The following TTC28 variants were observed in gnomAD, a reference collection of about 807,000 sequenced individuals.
TTC28 encodes tetratricopeptide repeat domain 28.
TTC28 carries 61 observed loss-of-function variants against 198.0 expected under a neutral mutation model. The observed-to-expected ratio is 0.31, with a 90% CI of 0.25 to 0.38. TTC28 has a LOEUF of 0.38. Ranked by LOEUF, TTC28 falls within the 10% of genes least tolerant of loss-of-function variation. TTC28 has a pLI of 1.00. For missense variants in TTC28, 2,678 were observed against 3,164.0 expected (o/e 0.85, Z 3.69); for synonymous variants, 1,171 against 1,297.8 (o/e 0.90, Z 2.10).
intron 2 of TTC28, among the ~76,000 whole-genome samples, chr22:28,622,890 C>T (rs2051022382): frequency 1.3e-5 from 2 of 151,726 alleles, no homozygotes; most frequent in South Asian, 4.2e-4. Flanking sequence ...GGCACAATCT[C>T]GGCTCACTGC....
chr22:28,615,133 G>T (rs2050881197), intron 2 of TTC28, among the ~76,000 whole-genome samples: 1 of 152,044 alleles, frequency 6.6e-6, no homozygotes, highest in African/African-American at 2.4e-5. Flanking sequence ...TCAAAAAGTG[G>T]ACAAAGGATA....
intron 2 of TTC28, among the ~76,000 whole-genome samples, chr22:28,374,393 C>T (rs1291934821): frequency 1.3e-5 from 2 of 152,078 alleles, no homozygotes; most frequent in African/African-American, 4.8e-5. Flanking sequence ...AAGTGAAATA[C>T]AAAGATAGGG....
At chr22:28,612,867 AT>A (rs1477111501) in intron 2 of TTC28, among the ~76,000 whole-genome samples, 3 of 152,250 alleles carry the variant, frequency 2.0e-5, no homozygotes, top group Admixed American at 6.5e-5. Flanking sequence ...CTAAATGCCC[AT>A]GAGAAAAAGC....
At chr22:28,470,589 G>A (rs916446670) in intron 2 of TTC28, among the ~76,000 whole-genome samples, 1 of 152,252 alleles carries the variant, frequency 6.6e-6, no homozygotes, top group African/African-American at 2.4e-5. Flanking sequence ...CTGTCTTAAA[G>A]TGTAACTTTA....
chr22:28,175,506 TG>T lies in TTC28; in HGVS notation c.934-11908del, dbSNP rs544500963. The stretch of plus-strand genomic sequence containing the variant: ...CAGCAGTTTGGGAGGCCGAGGCGGG[TG>T]GATGCCCTGAGGTCAGGAGTTCGAG... On this transcript the variant is annotated intron_variant, in intron 5 of 22. Transcript: ENST00000397906. 1.5e-4 allele frequency among the ~76,000 whole-genome samples: 23 copies of T among 151,624 alleles called. No individual in the cohort carries two copies. In the South Asian group the frequency reaches 3.6e-3, roughly 23 times the overall value.
chr22:28,410,532 C>A (rs2047064706), intron 2 of TTC28, among the ~76,000 whole-genome samples: 1 of 152,048 alleles, frequency 6.6e-6, no homozygotes, highest in Non-Finnish European at 1.5e-5. Flanking sequence ...TGAAAAGGAA[C>A]ATAGATTGTA....
chr22:28,484,236 T>C (rs1242842113), intron 2 of TTC28, among the ~76,000 whole-genome samples: 1 of 152,150 alleles, frequency 6.6e-6, no homozygotes, highest in Non-Finnish European at 1.5e-5. Flanking sequence ...GCCTCCCCAG[T>C]AGCTGGGACT....
intron 5 of TTC28, among the ~76,000 whole-genome samples, chr22:28,289,981 G>A (rs986054846): frequency 2.6e-5 from 4 of 151,852 alleles, no homozygotes; most frequent in Non-Finnish European, 4.4e-5. Context: ...CCGAGACTGC[G>A]CCATTGCACT....
At chr22:28,439,577 C>T (rs1422185733) in intron 2 of TTC28, among the ~76,000 whole-genome samples, 1 of 152,176 alleles carries the variant, frequency 6.6e-6, no homozygotes, top group Non-Finnish European at 1.5e-5. Flanking sequence ...CTGGGTAAGT[C>T]ACTTCACCCC....
At chr22:28,433,951 A>G (rs1226835494) in intron 2 of TTC28, among the ~76,000 whole-genome samples, 1 of 152,232 alleles carries the variant, frequency 6.6e-6, no homozygotes, top group Non-Finnish European at 1.5e-5. Flanking sequence ...CAATACCACA[A>G]TAAATATTAT....
intron 1 of TTC28, among the ~76,000 whole-genome samples, chr22:28,650,614 C>T (rs1351776319): frequency 1.3e-5 from 2 of 152,154 alleles, no homozygotes; most frequent in African/African-American, 4.8e-5. Context: ...ACACAAAACA[C>T]AGCATGAACC....
chr22:28,615,780 A>G (rs528719337), intron 2 of TTC28, among the ~76,000 whole-genome samples: 450 of 106,638 alleles, frequency 4.2e-3, no homozygotes, highest in Non-Finnish European at 5.8e-3. Flanking sequence ...AACATCACAC[A>G]TCGGGGCCTG....
chr22:28,150,671 C>G (rs551665264), intron 6 of TTC28, among the ~76,000 whole-genome samples: 1 of 152,218 alleles, frequency 6.6e-6, no homozygotes. Flanking sequence ...CTGCACTCAC[C>G]ATTGCTGGCA....
chr22:28,494,760 T>C (rs1468139597), intron 2 of TTC28, among the ~76,000 whole-genome samples: 1 of 143,166 alleles, frequency 7.0e-6, no homozygotes, highest in African/African-American at 2.6e-5. Context: ...AGACTTAACA[T>C]AGAAGGAGGA....
intron 2 of TTC28, among the ~76,000 whole-genome samples, chr22:28,555,289 T>G (rs1254682830): frequency 1.3e-5 from 2 of 152,202 alleles, no homozygotes; most frequent in Non-Finnish European, 2.9e-5. Flanking sequence ...GTGTGGAGAC[T>G]CATTAAACAA....
At chr22:28,035,189 C>A (rs1272997155) in intron 12 of TTC28, among the ~76,000 whole-genome samples, 2 of 152,140 alleles carry the variant, frequency 1.3e-5, no homozygotes, top group Non-Finnish European at 2.9e-5. Flanking sequence ...CATTCCCCAC[C>A]CCCCTCCAGG....
At chr22:27,991,896 T>A (rs763978527) in intron 19 of TTC28, among the ~76,000 whole-genome samples, 38 of 152,224 alleles carry the variant, frequency 2.5e-4, no homozygotes, top group Non-Finnish European at 5.1e-4. Context: ...TGCTAAGCAG[T>A]GTCTTGCATG....
chr22:28,104,863 G>A (rs1942250476), intron 8 of TTC28, among the ~76,000 whole-genome samples: 1 of 152,186 alleles, frequency 6.6e-6, no homozygotes, highest in Non-Finnish European at 1.5e-5. Flanking sequence ...AGAGCCTGGA[G>A]CAGATGGGCA....
chr22:28,220,368 G>T (rs9613580), intron 5 of TTC28, among the ~76,000 whole-genome samples: 1 of 152,092 alleles, frequency 6.6e-6, no homozygotes, highest in South Asian at 2.1e-4. Flanking sequence ...TCCAGGCATA[G>T]CTTCACTGGG....
Sources: allele counts gnomAD v4.1 joint callset (sites outside exome capture counted in the v4.1 genomes callset), GRCh38; gene constraint gnomAD v4.1.1; transcripts MANE v1.5; gene names NCBI Gene and HGNC (gene_info 2026-07-23, HGNC 2026-07-21).